Variants in SNX25 observed in about 807,000 individuals in gnomAD.
The protein encoded by SNX25 is sorting nexin-25.
A neutral mutation model predicts 113.7 loss-of-function variants in SNX25; 62 were observed. The ratio of observed to expected loss-of-function variants is 0.55; its 90% CI spans 0.44 to 0.67. The LOEUF is 0.67. SNX25 is among the 30% of genes least tolerant of loss of function. SNX25 has a pLI of 0.00. For synonymous variants in SNX25, 421 were observed against 436.2 expected (o/e 0.97, Z 0.43); for missense variants, 1,014 against 1,161.0 (o/e 0.87, Z 1.84).
chr4:185,237,688 G>A (rs1482303470), intron 1 of SNX25, among the ~76,000 whole-genome samples: 2 of 151,932 alleles, frequency 1.3e-5, no homozygotes, highest in Non-Finnish European at 2.9e-5. Context: ...GCAGCCTGCA[G>A]AGTTTGTAAT....
At chr4:185,373,123 A>T (rs771239693), downstream of SNX25, 1 of 1,524,926 alleles carries the variant, frequency 6.6e-7, no homozygotes, top group African/African-American at 1.4e-5. Context: ...GATCCACTAG[A>T]TGAAATTATA....
At chr4:185,302,019 C>A (rs537108556) in intron 6 of SNX25, among the ~76,000 whole-genome samples, 1 of 151,878 alleles carries the variant, frequency 6.6e-6, no homozygotes, top group African/African-American at 2.4e-5. Flanking sequence ...CCTGCCTCAG[C>A]CTCCTGAGTA....
At chr4:185,292,248 G>T (rs1242673783) in intron 6 of SNX25, among the ~76,000 whole-genome samples, 2 of 152,120 alleles carry the variant, frequency 1.3e-5, no homozygotes, top group Non-Finnish European at 1.5e-5. Flanking sequence ...GGTCTAGTAA[G>T]AATGAAGGGA....
chr4:185,323,516 C>G lies in SNX25; in HGVS notation c.1477-12C>G. 6.2e-7 allele frequency: 1 copy of G among 1,600,186 alleles called. No homozygotes were observed. Among genetic ancestry groups the G allele is most frequent in the Non-Finnish European group, 8.5e-7 (1 of 1,175,142 alleles). On this transcript the variant is annotated splice_polypyrimidine_tract_variant and intron_variant, in intron 8 of 18. Coordinates refer to ENST00000652585, the MANE Select transcript of SNX25 (RefSeq NM_001378034.2). Reference sequence around the variant, plus strand: ...ATATGTCTTACTTTTCCTTATCTTCCTGTCTTTTCAGAATGAAATTCCACA... The same window carrying G: ...ATATGTCTTACTTTTCCTTATCTTCGTGTCTTTTCAGAATGAAATTCCACA...
intron 1 of SNX25, among the ~76,000 whole-genome samples, chr4:185,237,332 TA>T (rs1742790884): frequency 6.6e-6 from 1 of 152,216 alleles, no homozygotes; most frequent in South Asian, 2.1e-4. Flanking sequence ...TTTGTTTGGA[TA>T]CTTAAATGCT....
chr4:185,218,199 C>G (rs373153890), intron 1 of SNX25, among the ~76,000 whole-genome samples: 5 of 152,224 alleles, frequency 3.3e-5, no homozygotes, highest in Non-Finnish European at 7.3e-5. Context: ...ATTCTCCTGC[C>G]TCAGCCTCCC....
chr4:185,358,657 G>A (rs1284185476), intron 16 of SNX25, among the ~76,000 whole-genome samples: 3 of 152,086 alleles, frequency 2.0e-5, no homozygotes, highest in Non-Finnish European at 4.4e-5. Flanking sequence ...ACCTAACCTG[G>A]CCCCCTGGTC....
rs189297787 is a variant in SNX25, at chr4:185,248,870, T to G, written c.514+1492T>G. Among the ~76,000 whole-genome samples, 98 of 152,336 alleles carry G rather than the reference T, an allele frequency of 6.4e-4. 2 individuals carry two copies. Among genetic ancestry groups the G allele is most frequent in the Non-Finnish European group, 3.5e-4 (24 of 68,020 alleles). Reference sequence around the variant, plus strand: ...CCCACCCTTCATGGTATCACTTCATTTTGTCTCTTCTAAAACTTTATGGAA... The same window carrying G: ...CCCACCCTTCATGGTATCACTTCATGTTGTCTCTTCTAAAACTTTATGGAA... On this transcript the variant is annotated intron_variant, in intron 2 of 18. Coordinates refer to ENST00000652585, the MANE Select transcript of SNX25 (RefSeq NM_001378034.2).
intron 2 of SNX25, 45 bp from the exon 3 acceptor site, chr4:185,258,803 G>C (rs1746816160): frequency 6.6e-7 from 1 of 1,506,890 alleles, no homozygotes; most frequent in Admixed American, 1.7e-5. Context: ...CTTGGTGTTT[G>C]CTTCTTTCAT....
At chr4:185,278,127 A>T (rs1185340553) in intron 5 of SNX25, among the ~76,000 whole-genome samples, 2 of 152,242 alleles carry the variant, frequency 1.3e-5, no homozygotes, top group African/African-American at 4.8e-5. Flanking sequence ...TTTAGCAGCC[A>T]GGTCTCATGA....
At chr4:185,279,330 C>G (rs1386748731) in intron 5 of SNX25, among the ~76,000 whole-genome samples, 2 of 152,038 alleles carry the variant, frequency 1.3e-5, no homozygotes, top group Admixed American at 1.3e-4. Context: ...CTTGTGATGG[C>G]TGGTTACCTC....
intron 16 of SNX25, among the ~76,000 whole-genome samples, chr4:185,361,465 C>T (rs895014152): frequency 7.2e-5 from 11 of 152,116 alleles, no homozygotes; most frequent in African/African-American, 2.7e-4. Flanking sequence ...GGGCCAGGCA[C>T]GGTAGCTCAT....
At chr4:185,376,836 T>C in the SNX25 span, 1 of 1,018,284 alleles carries the variant, frequency 9.8e-7, no homozygotes, top group Non-Finnish European at 1.5e-6. Flanking sequence ...TAAGAAACTC[T>C]ACATGAAATT....
the SNX25 span, chr4:185,375,487 A>AAAAAAAAATATAT: frequency 3.3e-4 from 4 of 12,012 alleles, no homozygotes; most frequent in East Asian, 2.6e-3. Context: ...AAAAAAAAAA[A>AAAAAAAAATATAT]ATATATATAT....
In SNX25 at chr4:185,284,538, A is replaced by G. The variant is rs530606129; in HGVS notation, c.1092-3474A>G. Among the ~76,000 whole-genome samples the G allele has an allele frequency of 7.9e-5, 12 of 152,304 alleles. No individual in the cohort carries two copies. In the South Asian group the frequency reaches 2.3e-3, roughly 29 times the overall value. Reference sequence around the variant, plus strand: ...ATGAGACTGTAGTTTTGAGAGGGCAATATAGAAACCAGCCTGGCTTAATTA... The same window carrying G: ...ATGAGACTGTAGTTTTGAGAGGGCAGTATAGAAACCAGCCTGGCTTAATTA... On this transcript the variant is annotated intron_variant, in intron 5 of 18. Coordinates refer to ENST00000652585, the MANE Select transcript of SNX25 (RefSeq NM_001378034.2).
At chr4:185,264,376 A>G in intron 3 of SNX25, 62 bp from the exon 4 acceptor site, 2 of 1,463,828 alleles carry the variant, frequency 1.4e-6, no homozygotes, top group South Asian at 1.2e-5. Context: ...TTTTTACCTA[A>G]TAGTACATAA....
chr4:185,240,128 T>A (rs1743492201), intron 1 of SNX25, among the ~76,000 whole-genome samples: 1 of 151,920 alleles, frequency 6.6e-6, no homozygotes, highest in Non-Finnish European at 1.5e-5. Context: ...GAATTTTTCT[T>A]AGTACAGAAC....
At chr4:185,306,382 A>G (rs1348603071) in intron 6 of SNX25, among the ~76,000 whole-genome samples, 2 of 152,244 alleles carry the variant, frequency 1.3e-5, no homozygotes, top group Non-Finnish European at 2.9e-5. Context: ...CCATTATCAA[A>G]CAGAACGCAT....
chr4:185,224,538 AATAT>A (rs879438060), intron 1 of SNX25, among the ~76,000 whole-genome samples: 48,059 of 133,810 alleles, frequency 0.36, 10,628 homozygotes, highest in East Asian at 0.56. Context: ...CATATATATA[AATAT>A]ATATACATAT....
Sources: allele counts gnomAD v4.1 joint callset (sites outside exome capture counted in the v4.1 genomes callset), GRCh38; gene constraint gnomAD v4.1.1; transcripts MANE v1.5; gene names NCBI Gene and HGNC (gene_info 2026-07-23, HGNC 2026-07-21).